The following TMEM132D variants were observed in gnomAD, a reference collection of about 807,000 sequenced individuals.
TMEM132D encodes transmembrane protein 132D.
In TMEM132D, 21 loss-of-function variants were observed where a neutral mutation model predicts 62.3. The ratio of observed to expected loss-of-function variants is 0.34; its 90% CI spans 0.24 to 0.49. The LOEUF is 0.49. TMEM132D is among the 20% of genes least tolerant of loss of function. The pLI is 0.99. For synonymous variants in TMEM132D, 621 were observed against 575.6 expected, an observed-to-expected ratio of 1.08 and a Z score of -1.13; for missense variants, 1,346 against 1,402.8, an observed-to-expected ratio of 0.96 and a Z score of 0.65.
chr12:129,244,385 C>CAAAAAAAAAAA (rs751155633), intron 4 of TMEM132D, among the ~76,000 whole-genome samples: 86 of 85,156 alleles, frequency 1.0e-3, no homozygotes, highest in African/African-American at 2.0e-3. Context: ...GACTCTGTCT[C>CAAAAAAAAAAA]AAAAAAAAAA....
intron 4 of TMEM132D, among the ~76,000 whole-genome samples, chr12:129,306,428 T>C (rs1881847388): frequency 6.6e-6 from 1 of 152,200 alleles, no homozygotes; most frequent in South Asian, 2.1e-4. Flanking sequence ...ATCTATCTAC[T>C]TACATTTCAC....
At chr12:129,712,716 G>GTCAAT (rs1267039186) in intron 1 of TMEM132D, among the ~76,000 whole-genome samples, 6 of 152,180 alleles carry the variant, frequency 3.9e-5, no homozygotes, top group Non-Finnish European at 5.9e-5. Context: ...GACGTCTCTA[G>GTCAAT]TCAATGGGAT....
chr12:129,075,466 A>G (rs964628779), intron 8 of TMEM132D, among the ~76,000 whole-genome samples: 1 of 152,216 alleles, frequency 6.6e-6, no homozygotes, highest in Non-Finnish European at 1.5e-5. Context: ...CATTCAAATG[A>G]AAAATATTTA....
chr12:129,713,958 A>G (rs1322017709), intron 1 of TMEM132D, among the ~76,000 whole-genome samples: 2 of 152,232 alleles, frequency 1.3e-5, no homozygotes, highest in Non-Finnish European at 2.9e-5. Context: ...AACTGTTGAG[A>G]GAACATAGAT....
At chr12:129,777,694 CTCTTT>C (rs1440776054) in intron 1 of TMEM132D, among the ~76,000 whole-genome samples, 1 of 152,154 alleles carries the variant, frequency 6.6e-6, no homozygotes, top group Non-Finnish European at 1.5e-5. Context: ...GAGGAATTTC[CTCTTT>C]TCTTATCATA....
In TMEM132D at chr12:129,792,824, T is replaced by C. The variant is rs1871440629; in HGVS notation, c.80-92126A>G. 1.3e-5 allele frequency among the ~76,000 whole-genome samples: 2 copies of C among 152,124 alleles called. 1 individual carries two copies. Among genetic ancestry groups the C allele is most frequent in the South Asian group, 4.1e-4 (2 of 4,830 alleles). On this transcript the variant is annotated intron_variant, in intron 1 of 8. Transcript: ENST00000422113. ...GCTGGGGAGAGCTTACATTTGGCAT[T>C]TTTTTCTGACTACACCTATAACTAT...
chr12:129,437,717 T>C (rs930662654), intron 3 of TMEM132D, among the ~76,000 whole-genome samples: 10 of 148,390 alleles, frequency 6.7e-5, no homozygotes, highest in Admixed American at 5.4e-4. Flanking sequence ...CTTCAGGAGC[T>C]GAATGCTCAT....
chr12:129,359,927 A>G (rs1004999453), intron 3 of TMEM132D, among the ~76,000 whole-genome samples: 3 of 151,940 alleles, frequency 2.0e-5, no homozygotes, highest in Non-Finnish European at 4.4e-5. Context: ...TAATAAGCAC[A>G]AAATAATCTT....
intron 5 of TMEM132D, among the ~76,000 whole-genome samples, chr12:129,194,494 G>A (rs1029766665): frequency 2.0e-5 from 3 of 152,162 alleles, no homozygotes; most frequent in African/African-American, 7.2e-5. Flanking sequence ...GAACAGAAAA[G>A]ATCACTATTT....
At chr12:129,709,680 G>C (rs775919882) in intron 1 of TMEM132D, among the ~76,000 whole-genome samples, 3 of 152,066 alleles carry the variant, frequency 2.0e-5, no homozygotes, top group Non-Finnish European at 2.9e-5. Flanking sequence ...ATGTTTTTTT[G>C]TTGTCGTATT....
chr12:129,579,345 A>C (rs1311179810), intron 2 of TMEM132D, among the ~76,000 whole-genome samples: 1 of 152,202 alleles, frequency 6.6e-6, no homozygotes, highest in Admixed American at 6.5e-5. Context: ...GACGAAACTA[A>C]TCAGATATAC....
At chr12:129,511,478 A>T (rs139511260) in intron 3 of TMEM132D, among the ~76,000 whole-genome samples, 1 of 152,348 alleles carries the variant, frequency 6.6e-6, no homozygotes, top group African/African-American at 2.4e-5. Context: ...ATGAATGTGC[A>T]AGTATAAGGC....
Position 129,084,378 on chromosome 12 carries a change from G to A in TMEM132D, c.1649+119C>T, listed in dbSNP as rs553108684. 64 of 975,782 alleles carry A rather than the reference G, an allele frequency of 6.6e-5. No individual in the cohort carries two copies. The East Asian group carries it at 9.2e-4, about 14-fold the overall frequency. The allele number at this position is 975,782 out of a possible 1,614,324, so 60.4% of individuals were successfully genotyped here. On this transcript the variant is annotated intron_variant, in intron 6 of 8. Coordinates refer to ENST00000422113, the MANE Select transcript of TMEM132D (RefSeq NM_133448.3). ...AACACAGAGCAAATCCAAGCTGAGCGGTGGAGGGAGGCTTGGTCCTTAGGG... is the reference window on the plus strand; with the variant it reads ...AACACAGAGCAAATCCAAGCTGAGCAGTGGAGGGAGGCTTGGTCCTTAGGG...
intron 2 of TMEM132D, among the ~76,000 whole-genome samples, chr12:129,536,295 C>T (rs1240329327): frequency 6.6e-6 from 1 of 152,222 alleles, no homozygotes; most frequent in Admixed American, 6.5e-5. Context: ...GATAGCATTC[C>T]TCCCAGTTAA....
chr12:129,378,302 G>A (rs1870842318), intron 3 of TMEM132D, among the ~76,000 whole-genome samples: 1 of 152,192 alleles, frequency 6.6e-6, no homozygotes, highest in South Asian at 2.1e-4. Flanking sequence ...CATCTTCCAT[G>A]TCTAACGTGG....
chr12:129,681,352 T>C (rs978801743), intron 2 of TMEM132D: 3 of 152,242 alleles, frequency 2.0e-5, no homozygotes, highest in African/African-American at 7.2e-5. Flanking sequence ...GGGAGATTCT[T>C]CTGCTACACA....
intron 5 of TMEM132D, among the ~76,000 whole-genome samples, chr12:129,205,793 A>G (rs1221457644): frequency 6.6e-6 from 1 of 152,156 alleles, no homozygotes; most frequent in African/African-American, 2.4e-5. Flanking sequence ...AAATTCAAAA[A>G]AAAAAATTGA....
intron 1 of TMEM132D, among the ~76,000 whole-genome samples, chr12:129,710,895 T>C (rs559985437): frequency 6.6e-6 from 1 of 150,800 alleles, no homozygotes; most frequent in Non-Finnish European, 1.5e-5. Context: ...CCGGCTGTGT[T>C]CAGCCTCAGT....
chr12:129,390,082 G>C (rs951051340), intron 3 of TMEM132D, among the ~76,000 whole-genome samples: 2 of 152,240 alleles, frequency 1.3e-5, no homozygotes, highest in East Asian at 1.9e-4. Flanking sequence ...GTGTGACAGG[G>C]ATTGTCGCTG....
Sources: gnomAD v4.1 joint callset for allele counts (sites outside exome capture counted in the v4.1 genomes callset) on GRCh38, gnomAD v4.1.1 for gene constraint, MANE v1.5 for transcripts, NCBI Gene and HGNC (gene_info 2026-07-23, HGNC 2026-07-21) for gene names.